Variants in UBTD2 observed in about 807,000 individuals in gnomAD.
UBTD2 encodes the protein ubiquitin domain-containing protein 2.
Under a neutral mutation model 19.8 loss-of-function variants are expected in UBTD2, and 9 were observed. That is an observed-to-expected ratio of 0.46 (90% confidence interval 0.27 to 0.79). The LOEUF is 0.79. UBTD2 is among the 30% of genes least tolerant of loss of function. The pLI, the probability that UBTD2 is intolerant of heterozygous loss-of-function variation, is 0.14. For synonymous variants in UBTD2, 98 were observed against 103.9 expected, an observed-to-expected ratio of 0.94 and a Z score of 0.35; for missense variants, 250 against 300.4, an observed-to-expected ratio of 0.83 and a Z score of 1.24.
intron 1 of UBTD2, among the ~76,000 whole-genome samples, chr5:172,263,624 C>G (rs907720300): frequency 6.6e-6 from 1 of 152,012 alleles, no homozygotes; most frequent in Non-Finnish European, 1.5e-5. Flanking sequence ...GAAACCCCAT[C>G]TCTACTAAAA....
intron 1 of UBTD2, among the ~76,000 whole-genome samples, chr5:172,281,147 C>T (rs541769212): frequency 7.2e-5 from 11 of 152,184 alleles, no homozygotes; most frequent in East Asian, 5.8e-4. Flanking sequence ...GCAATCCTCT[C>T]GCCTCATCAT....
chr5:172,221,259 T>G (rs1298801395), intron 2 of UBTD2, among the ~76,000 whole-genome samples: 1 of 152,196 alleles, frequency 6.6e-6, no homozygotes, highest in Admixed American at 6.5e-5. Context: ...ATCCCAGTGC[T>G]TGGGGAGGCT....
At chr5:172,279,324 A>T (rs1250499559) in intron 1 of UBTD2, among the ~76,000 whole-genome samples, 1 of 152,218 alleles carries the variant, frequency 6.6e-6, no homozygotes, top group Admixed American at 6.5e-5. Context: ...CAGAGATACT[A>T]TCCACCTCAT....
At chr5:172,229,373 C>A (rs1462319119) in intron 2 of UBTD2, among the ~76,000 whole-genome samples, 1 of 151,762 alleles carries the variant, frequency 6.6e-6, no homozygotes, top group Non-Finnish European at 1.5e-5. Context: ...TGGTGGCGGG[C>A]ACCTGTAGTC....
At chr5:172,261,844 G>A (rs922952761) in intron 1 of UBTD2, among the ~76,000 whole-genome samples, 17 of 151,944 alleles carry the variant, frequency 1.1e-4, no homozygotes, top group African/African-American at 2.4e-4. Flanking sequence ...GGCTGGTCTC[G>A]AACTCCTGGC....
At chr5:172,242,078 T>C (rs970930466) in intron 1 of UBTD2, among the ~76,000 whole-genome samples, 1 of 152,154 alleles carries the variant, frequency 6.6e-6, no homozygotes, top group African/African-American at 2.4e-5. Context: ...CTTCCTCCCC[T>C]TTTTTTCTCT....
intron 1 of UBTD2, among the ~76,000 whole-genome samples, chr5:172,278,520 G>GA (rs35402919): frequency 2.5e-3 from 327 of 132,918 alleles, no homozygotes; most frequent in African/African-American, 5.0e-3. Flanking sequence ...TGCCTCAGGG[G>GA]AAAAAAAAAA....
chr5:172,250,458 G>C (rs115213515), intron 1 of UBTD2, among the ~76,000 whole-genome samples: 142 of 152,150 alleles, frequency 9.3e-4, no homozygotes, highest in African/African-American at 3.1e-3. Flanking sequence ...GTGTAATGAG[G>C]AATCTAAGCA....
At chr5:172,257,646 G>T (rs1031942531) in intron 1 of UBTD2, among the ~76,000 whole-genome samples, 4 of 152,018 alleles carry the variant, frequency 2.6e-5, no homozygotes, top group African/African-American at 7.3e-5. Context: ...GTTATTTTTT[G>T]ACTTTTTAAC....
At chr5:172,238,786 T>C (rs1772062054) in intron 1 of UBTD2, among the ~76,000 whole-genome samples, 1 of 152,236 alleles carries the variant, frequency 6.6e-6, no homozygotes, top group Non-Finnish European at 1.5e-5. Flanking sequence ...TTTGAAAACC[T>C]TGATTTAATG....
chr5:172,228,381 G>A (rs1309913253), intron 2 of UBTD2, among the ~76,000 whole-genome samples: 2 of 152,090 alleles, frequency 1.3e-5, no homozygotes, highest in Non-Finnish European at 2.9e-5. Context: ...GTGCAAAGTG[G>A]GGACTGTTGT....
chr5:172,266,652 C>T (rs1755380451), intron 1 of UBTD2, among the ~76,000 whole-genome samples: 1 of 152,120 alleles, frequency 6.6e-6, no homozygotes, highest in Admixed American at 6.6e-5. Flanking sequence ...GAGAGTAGGC[C>T]TAATAGTGCT....
chr5:172,234,731 A>AC (rs1371599331), intron 1 of UBTD2, among the ~76,000 whole-genome samples: 5 of 151,762 alleles, frequency 3.3e-5, no homozygotes, highest in Admixed American at 6.6e-5. Flanking sequence ...ACATGGTGAG[A>AC]CCCCCATCTC....
chr5:172,280,223 A>AAGG (rs1554130862), intron 1 of UBTD2, among the ~76,000 whole-genome samples: 1 of 151,002 alleles, frequency 6.6e-6, no homozygotes, highest in Non-Finnish European at 1.5e-5. Context: ...TTAAAAAAAA[A>AAGG]AGGCTGGGCA....
chr5:172,230,004 A>T (rs1321763387), intron 2 of UBTD2, among the ~76,000 whole-genome samples: 3 of 152,250 alleles, frequency 2.0e-5, no homozygotes, highest in Non-Finnish European at 4.4e-5. Flanking sequence ...ACAATGAGTA[A>T]TAACATGCTG....
chr5:172,281,330 A>G (rs1755710636), intron 1 of UBTD2, among the ~76,000 whole-genome samples: 1 of 152,098 alleles, frequency 6.6e-6, no homozygotes. Flanking sequence ...ACCCACCTCT[A>G]CTAAAAATTT....
intron 2 of UBTD2, among the ~76,000 whole-genome samples, chr5:172,230,763 C>T (rs1002368522): frequency 6.6e-5 from 10 of 151,140 alleles, no homozygotes; most frequent in Admixed American, 1.3e-4. Context: ...ATGTGCCCAA[C>T]GTAAAATTTA....
Position 172,211,819 on chromosome 5 carries a change from C to G in UBTD2, c.*11G>C. The stretch of plus-strand genomic sequence containing the variant: ...GCAGAGGGATGTGGGAGCTGGCCAA[C>G]AGGGCTCAGTTCAGTTCTCCACTGG... On this transcript the variant is annotated 3_prime_UTR_variant, in exon 3 of 3. Transcript: ENST00000393792. 6.3e-7 allele frequency: 1 copy of G among 1,584,018 alleles called. No homozygotes were observed. The highest frequency in any genetic ancestry group is 8.6e-7 in the Non-Finnish European group (1 of 1,162,110).
At chr5:172,227,652 G>C (rs139664507) in intron 2 of UBTD2, among the ~76,000 whole-genome samples, 4,447 of 148,522 alleles carry the variant, frequency 0.03, 233 homozygotes, top group African/African-American at 0.1. Context: ...CAAAGTGCTG[G>C]GATTATAGGC....
Sources: allele counts gnomAD v4.1 joint callset (sites outside exome capture counted in the v4.1 genomes callset), GRCh38; gene constraint gnomAD v4.1.1; transcripts MANE v1.5; gene names NCBI Gene and HGNC (gene_info 2026-07-23, HGNC 2026-07-21).